Variants in MEGF11 observed in about 807,000 individuals in gnomAD.
MEGF11 encodes the protein multiple EGF like domains 11.
MEGF11 carries 126 observed loss-of-function variants against 146.6 expected under a neutral mutation model. The ratio of observed to expected loss-of-function variants is 0.86; its 90% confidence interval spans 0.74 to 1.00. The LOEUF (loss-of-function observed/expected upper bound fraction) is 1.00. Among genes scored for constraint, MEGF11 ranks in the 50% least tolerant of loss-of-function variants. MEGF11 has a pLI of 0.00. For missense variants in MEGF11, 1,509 were observed against 1,521.2 expected (o/e 0.99, Z 0.13); for synonymous variants, 532 against 583.4 (o/e 0.91, Z 1.27).
At chr15:66,253,458 GGGC>G (rs1179321399) in intron 1 of MEGF11, 144 bp downstream of exon 1, 3 of 152,260 alleles carry the variant, frequency 2.0e-5, no homozygotes, top group Non-Finnish European at 4.4e-5. Flanking sequence ...GACCCGGGCA[GGGC>G]GGCCGGGGTC....
chr15:65,940,082 G>A (rs955739056), intron 10 of MEGF11, among the ~76,000 whole-genome samples: 2 of 152,048 alleles, frequency 1.3e-5, no homozygotes, highest in East Asian at 1.9e-4. Flanking sequence ...AATGTCTAGT[G>A]GCTAGACGGG....
intron 10 of MEGF11, among the ~76,000 whole-genome samples, chr15:65,946,406 G>A (rs2080195275): frequency 6.6e-6 from 1 of 152,106 alleles, no homozygotes; most frequent in Non-Finnish European, 1.5e-5. Flanking sequence ...GGGGAGGATG[G>A]GATCCAGCAT....
intron 8 of MEGF11, among the ~76,000 whole-genome samples, chr15:65,967,971 G>A (rs1314437521): frequency 6.6e-6 from 1 of 152,130 alleles, no homozygotes; most frequent in African/African-American, 2.4e-5. Flanking sequence ...AGTTAAGGAG[G>A]CTGCCATGAG....
At chr15:66,192,062 A>C (rs2090897108) in intron 1 of MEGF11, among the ~76,000 whole-genome samples, 1 of 152,292 alleles carries the variant, frequency 6.6e-6, no homozygotes, top group African/African-American at 2.4e-5. Context: ...TGAGCGACAC[A>C]GCAAGACTCC....
intron 6 of MEGF11, among the ~76,000 whole-genome samples, chr15:65,981,972 A>G (rs1300010042): frequency 6.6e-6 from 1 of 152,196 alleles, no homozygotes; most frequent in Non-Finnish European, 1.5e-5. Context: ...GGACCAGTCA[A>G]CGCGGTCCTG....
intron 5 of MEGF11, among the ~76,000 whole-genome samples, chr15:66,020,991 C>CAAAAAA (rs35364286): frequency 2.0e-4 from 14 of 70,846 alleles, no homozygotes; most frequent in African/African-American, 7.8e-4. Flanking sequence ...AACTCCATCT[C>CAAAAAA]AAAAAAAAAA....
chr15:66,013,305 A>G (rs1441297360), intron 5 of MEGF11, among the ~76,000 whole-genome samples: 1 of 152,186 alleles, frequency 6.6e-6, no homozygotes, highest in Non-Finnish European at 1.5e-5. Context: ...CCTCCCACTC[A>G]GGCTCTGTGC....
intron 5 of MEGF11, among the ~76,000 whole-genome samples, chr15:65,995,399 G>A (rs1279929882): frequency 6.6e-6 from 1 of 152,238 alleles, no homozygotes; most frequent in Non-Finnish European, 1.5e-5. Context: ...CAACACCCAA[G>A]TTTGTCTATA....
In MEGF11 at chr15:66,010,563, T is replaced by G. The variant is rs558906485; in HGVS notation, c.395-28075A>C. On this transcript the variant is annotated intron_variant, in intron 5 of 25. Transcript: ENST00000395614. The stretch of plus-strand genomic sequence containing the variant: ...ACATTCAAAGCCATCCTGGGCTGCA[T>G]GCGGCCCATGGACTGCAGGTTGGAC... Among the ~76,000 whole-genome samples, 10 of 152,340 alleles carry G rather than the reference T, an allele frequency of 6.6e-5. No individual in the cohort carries two copies. In the South Asian group the frequency reaches 2.1e-3, roughly 32 times the overall value.
At chr15:66,073,511 G>A (rs367993647) in intron 5 of MEGF11, among the ~76,000 whole-genome samples, 3 of 152,326 alleles carry the variant, frequency 2.0e-5, no homozygotes, top group South Asian at 2.1e-4. Flanking sequence ...GTGCTTCAGC[G>A]TACAGTCCTG....
At chr15:66,125,353 G>C (rs2088283665) in intron 2 of MEGF11, among the ~76,000 whole-genome samples, 1 of 152,220 alleles carries the variant, frequency 6.6e-6, no homozygotes, top group South Asian at 2.1e-4. Context: ...CAGCCACCCA[G>C]AGTCCTCTTC....
chr15:66,097,282 C>T (rs1410350138), intron 4 of MEGF11, among the ~76,000 whole-genome samples: 1 of 152,112 alleles, frequency 6.6e-6, no homozygotes, highest in Admixed American at 6.5e-5. Context: ...GGGGGTGCTG[C>T]GGGGAGAGTC....
At chr15:66,171,769 C>G (rs564502333) in intron 1 of MEGF11, among the ~76,000 whole-genome samples, 1 of 150,528 alleles carries the variant, frequency 6.6e-6, no homozygotes, top group Non-Finnish European at 1.5e-5. Flanking sequence ...TCCTCCAGTT[C>G]CCCCCACCCC....
At chr15:66,205,848 G>A (rs2091286010) in intron 1 of MEGF11, among the ~76,000 whole-genome samples, 1 of 152,136 alleles carries the variant, frequency 6.6e-6, no homozygotes, top group Non-Finnish European at 1.5e-5. Context: ...GTTTAATTAA[G>A]ATATAGAGTC....
intron 5 of MEGF11, among the ~76,000 whole-genome samples, chr15:66,030,215 GGCAGGTATTCACATGACATATCCA>G (rs1303160122): frequency 5.3e-5 from 8 of 152,252 alleles, no homozygotes; most frequent in Admixed American, 5.2e-4. Flanking sequence ...CATGCAAAAT[GGCAGGTATTCACATGACATATCCA>G]GCCCATACCA....
At chr15:65,968,322 T>G (rs2081184427) in intron 8 of MEGF11, among the ~76,000 whole-genome samples, 1 of 152,228 alleles carries the variant, frequency 6.6e-6, no homozygotes, top group South Asian at 2.1e-4. Flanking sequence ...CACTGTGCTT[T>G]GCTGGCCTCG....
At chr15:66,045,850 C>T (rs1263738129) in intron 5 of MEGF11, among the ~76,000 whole-genome samples, 3 of 152,088 alleles carry the variant, frequency 2.0e-5, no homozygotes, top group Admixed American at 2.0e-4. Flanking sequence ...CGACTGTAAT[C>T]CCAGCACTTT....
At chr15:66,241,134 C>T (rs2092199982) in intron 1 of MEGF11, among the ~76,000 whole-genome samples, 1 of 152,174 alleles carries the variant, frequency 6.6e-6, no homozygotes, top group Non-Finnish European at 1.5e-5. Context: ...AATCAACTAC[C>T]TCTGGGTAAG....
At chr15:65,967,237 A>G (rs2081136399) in intron 8 of MEGF11, 1 of 152,236 alleles carries the variant, frequency 6.6e-6, no homozygotes, top group Non-Finnish European at 1.5e-5. Context: ...ACTAGTACTC[A>G]TGTTAATATT....
Sources: gnomAD v4.1 joint callset for allele counts (sites outside exome capture counted in the v4.1 genomes callset) on GRCh38, gnomAD v4.1.1 for gene constraint, MANE v1.5 for transcripts, NCBI Gene and HGNC (gene_info 2026-07-23, HGNC 2026-07-21) for gene names.